BMP5: variants seen among roughly 807,000 people sequenced by gnomAD.
BMP5 encodes bone morphogenetic protein 5.
BMP5 carries 23 observed loss-of-function variants against 46.6 expected under a neutral mutation model. The observed-to-expected ratio is 0.49, with a 90% confidence interval of 0.35 to 0.70. BMP5 has a LOEUF of 0.70. BMP5 is among the 30% of genes least tolerant of loss of function. BMP5 has a pLI of 0.00. For missense variants in BMP5, 545 were observed against 565.6 expected, an observed-to-expected ratio of 0.96 and a Z score of 0.37; for synonymous variants, 204 against 191.9, an observed-to-expected ratio of 1.06 and a Z score of -0.52.
In BMP5 at chr6:55,817,261, A is replaced by G. The variant is rs913712228; in HGVS notation, c.683+2394T>C. Among the ~76,000 whole-genome samples, 24 of 152,326 alleles carry G rather than the reference A, an allele frequency of 1.6e-4. No individual in the cohort carries two copies. The Middle Eastern group carries it at 0.014, about 86-fold the overall frequency. ...CATCCCATTACTGGGCATATACCCAAAGGATTATAAATCATGCTGCTATAA... is the reference window on the plus strand; with the variant it reads ...CATCCCATTACTGGGCATATACCCAGAGGATTATAAATCATGCTGCTATAA... On this transcript the variant is annotated intron_variant, in intron 2 of 6. Coordinates refer to ENST00000370830, the MANE Select transcript of BMP5 (RefSeq NM_021073.4).
At chr6:55,832,255 T>G (rs558530204) in intron 1 of BMP5, among the ~76,000 whole-genome samples, 1 of 152,266 alleles carries the variant, frequency 6.6e-6, no homozygotes, top group African/African-American at 2.4e-5. Flanking sequence ...TTTCTTTTTT[T>G]CCCTACTCCT....
At chr6:55,759,327 T>G (rs1252451215) in intron 5 of BMP5, among the ~76,000 whole-genome samples, 1 of 151,748 alleles carries the variant, frequency 6.6e-6, no homozygotes, top group African/African-American at 2.4e-5. Context: ...AATTTTAAGC[T>G]GAAGTTTAGG....
At chr6:55,761,194 A>G (rs746883854) in intron 4 of BMP5, among the ~76,000 whole-genome samples, 2 of 151,990 alleles carry the variant, frequency 1.3e-5, no homozygotes, top group Non-Finnish European at 2.9e-5. Context: ...ACTATCTTCA[A>G]TAAGTCCAAA....
chr6:55,853,159 AAATAAAATAAAAT>A (rs1399400386), intron 1 of BMP5, among the ~76,000 whole-genome samples: 3 of 40,826 alleles, frequency 7.3e-5, no homozygotes, highest in African/African-American at 1.4e-4. Context: ...AAATAAAATA[AAATAAAATAAAAT>A]AAAATAAAAT....
At chr6:55,794,128 A>G in intron 3 of BMP5, 151 bp downstream of exon 3, 1 of 783,358 alleles carries the variant, frequency 1.3e-6, no homozygotes, top group Non-Finnish European at 2.0e-6. Flanking sequence ...GAATTGATTA[A>G]CTAACTAATA....
At chr6:55,768,608 C>T (rs559409714) in intron 4 of BMP5, among the ~76,000 whole-genome samples, 43 of 151,870 alleles carry the variant, frequency 2.8e-4, no homozygotes, top group Admixed American at 7.2e-4. Flanking sequence ...TGAAGAGCAC[C>T]TGTATACCAA....
At chr6:55,814,822 A>T (rs1776215986) in intron 2 of BMP5, among the ~76,000 whole-genome samples, 1 of 152,164 alleles carries the variant, frequency 6.6e-6, no homozygotes, top group Non-Finnish European at 1.5e-5. Context: ...GTCATACCTG[A>T]TCAACAGTAT....
intron 1 of BMP5, among the ~76,000 whole-genome samples, chr6:55,866,397 T>C (rs1777640601): frequency 6.6e-6 from 1 of 152,148 alleles, no homozygotes; most frequent in African/African-American, 2.4e-5. Flanking sequence ...AGAAAGACAA[T>C]AATCCCTATC....
chr6:55,805,173 T>C (rs770618720), intron 2 of BMP5, among the ~76,000 whole-genome samples: 27 of 152,316 alleles, frequency 1.8e-4, no homozygotes, highest in Middle Eastern at 3.4e-3. Flanking sequence ...AAAAATATAA[T>C]TGAACATTTC....
At chr6:55,808,447 C>G (rs948676058) in intron 2 of BMP5, among the ~76,000 whole-genome samples, 17 of 152,132 alleles carry the variant, frequency 1.1e-4, no homozygotes, top group Admixed American at 2.0e-4. Context: ...TCACCCTCCC[C>G]CAAGGACCTC....
chr6:55,852,947 C>T lies in BMP5; in HGVS notation c.490+21429G>A, dbSNP rs868337085. Among the ~76,000 whole-genome samples the T allele has an allele frequency of 1.2e-3, 182 of 151,646 alleles. 1 individual carries two copies. Among genetic ancestry groups the T allele is most frequent in the Admixed American group, 1.1e-3 (17 of 15,212 alleles). ...GAGATCGAGACCATCCTGGCTAACG[C>T]GGTGAAGCCCCATCTCTACTAAAAA... On this transcript the variant is annotated intron_variant, in intron 1 of 6. Coordinates refer to ENST00000370830, the MANE Select transcript of BMP5 (RefSeq NM_021073.4).
chr6:55,857,270 A>T (rs1777422752), intron 1 of BMP5, among the ~76,000 whole-genome samples: 1 of 152,214 alleles, frequency 6.6e-6, no homozygotes, highest in Admixed American at 6.5e-5. Flanking sequence ...ATGACATTTT[A>T]AAAACTATGC....
intron 5 of BMP5, among the ~76,000 whole-genome samples, chr6:55,759,757 C>CCACA (rs1774719738): frequency 6.6e-6 from 1 of 151,656 alleles, no homozygotes; most frequent in African/African-American, 2.4e-5. Flanking sequence ...GAATGGTTGC[C>CCACA]TTGATATTTT....
chr6:55,805,200 C>T (rs756108370), intron 2 of BMP5, among the ~76,000 whole-genome samples: 87 of 152,142 alleles, frequency 5.7e-4, no homozygotes, highest in Non-Finnish European at 9.4e-4. Flanking sequence ...GTATCAGGTG[C>T]CAATAAGCTG....
intron 1 of BMP5, among the ~76,000 whole-genome samples, chr6:55,859,205 C>T (rs1777474204): frequency 6.6e-6 from 1 of 152,114 alleles, no homozygotes; most frequent in Non-Finnish European, 1.5e-5. Context: ...TGGTTAGTTT[C>T]AATTATCAGT....
At chr6:55,822,006 G>T (rs1178893411) in intron 1 of BMP5, among the ~76,000 whole-genome samples, 1 of 152,096 alleles carries the variant, frequency 6.6e-6, no homozygotes. Flanking sequence ...TATATTCTCA[G>T]TATTTTATCA....
intron 1 of BMP5, among the ~76,000 whole-genome samples, chr6:55,821,858 A>T (rs922190679): frequency 2.0e-5 from 3 of 152,182 alleles, no homozygotes; most frequent in African/African-American, 7.2e-5. Context: ...ATGTGCATGT[A>T]AGAATGCTAA....
intron 1 of BMP5, among the ~76,000 whole-genome samples, chr6:55,820,159 C>T (rs1582092498): frequency 6.6e-6 from 1 of 152,024 alleles, no homozygotes; most frequent in African/African-American, 2.4e-5. Context: ...AAGTATCAGA[C>T]CATAGAAAAT....
Position 55,783,708 on chromosome 6 carries a change from C to T in BMP5, c.833-9465G>A, listed in dbSNP as rs540281181. Among the ~76,000 whole-genome samples the T allele has an allele frequency of 2.6e-5, 4 of 151,932 alleles. No individual in the cohort carries two copies. The East Asian group carries it at 7.8e-4, about 29-fold the overall frequency. On this transcript the variant is annotated intron_variant, in intron 3 of 6. Transcript: ENST00000370830. ...ATTGATATTACCATGAAAATATTTA[C>T]CCCACAGATCATCAGTTTAGCTAGA... is the stretch of plus-strand genomic sequence containing the variant.
Sources: allele counts gnomAD v4.1 joint callset (sites outside exome capture counted in the v4.1 genomes callset), GRCh38; gene constraint gnomAD v4.1.1; transcripts MANE v1.5; gene names NCBI Gene and HGNC (gene_info 2026-07-23, HGNC 2026-07-21).